Variants in ETNK2 observed in about 807,000 individuals in gnomAD.
The protein encoded by ETNK2 is ethanolamine kinase-like protein.
Under a neutral mutation model 46.2 loss-of-function variants are expected in ETNK2, and 33 were observed. The observed-to-expected ratio is 0.71, with a 90% CI of 0.54 to 0.96. The LOEUF (loss-of-function observed/expected upper bound fraction) is 0.96. ETNK2 is among the 40% of genes least tolerant of loss of function. The pLI, the probability that ETNK2 is intolerant of heterozygous loss-of-function variation, is 0.00. For missense variants in ETNK2, 445 were observed against 509.7 expected (o/e 0.87, Z 1.22); for synonymous variants, 194 against 209.0 (o/e 0.93, Z 0.62).
chr1:204,144,502 G>A (rs184012314), intron 3 of ETNK2, among the ~76,000 whole-genome samples: 6 of 152,038 alleles, frequency 3.9e-5, no homozygotes, highest in Admixed American at 3.3e-4. Flanking sequence ...ACTCCCAACT[G>A]GTCTTCCTAC....
intron 5 of ETNK2, among the ~76,000 whole-genome samples, chr1:204,138,180 A>G (rs1657360817): frequency 6.6e-6 from 1 of 152,160 alleles, no homozygotes; most frequent in South Asian, 2.1e-4. Flanking sequence ...CCAAGGTCAT[A>G]TGGTGGTTAG....
chr1:204,146,910 A>C, intron 2 of ETNK2, 146 bp from the exon 3 acceptor site: 1 of 950,314 alleles, frequency 1.1e-6, no homozygotes, highest in Non-Finnish European at 1.7e-6. Flanking sequence ...GTCCCTTAGG[A>C]GCACAGGTCC....
At chr1:204,141,686 G>A (rs534789862) in intron 3 of ETNK2, 30 of 545,822 alleles carry the variant, frequency 5.5e-5, no homozygotes, top group African/African-American at 1.3e-4. Context: ...AGACATGGGC[G>A]TCAAAGCATG....
At chr1:204,134,378 T>G in intron 7 of ETNK2, 137 bp downstream of exon 7, 66 of 926,970 alleles carry the variant, frequency 7.1e-5, no homozygotes, top group Non-Finnish European at 8.7e-5. Context: ...CCGCTGGAGA[T>G]GAGCTGGAAC....
chr1:204,132,899 C>T (rs956033753), intron 7 of ETNK2, among the ~76,000 whole-genome samples: 4 of 152,026 alleles, frequency 2.6e-5, no homozygotes, highest in Admixed American at 1.3e-4. Context: ...TTTGGACAAC[C>T]GAAACTAGAC....
chr1:204,138,986 C>G (rs1342164156), intron 5 of ETNK2: 1 of 151,842 alleles, frequency 6.6e-6, no homozygotes, highest in Non-Finnish European at 1.5e-5. Flanking sequence ...CAGCAAACAC[C>G]AATACAATGC....
intron 2 of ETNK2, among the ~76,000 whole-genome samples, chr1:204,149,005 GCA>G (rs1325853632): frequency 6.6e-6 from 1 of 152,198 alleles, no homozygotes; most frequent in Non-Finnish European, 1.5e-5. Context: ...CCTTGTTCTG[GCA>G]CAGAGGAGAG....
intron 2 of ETNK2, among the ~76,000 whole-genome samples, chr1:204,148,735 A>G (rs904666950): frequency 6.6e-6 from 1 of 152,174 alleles, no homozygotes. Flanking sequence ...AGCCAGGTGC[A>G]TTTGGGGTTA....
At chr1:204,143,779 G>A (rs985538512) in intron 3 of ETNK2, among the ~76,000 whole-genome samples, 14 of 152,116 alleles carry the variant, frequency 9.2e-5, no homozygotes, top group African/African-American at 3.4e-4. Context: ...TGAGCTTACT[G>A]GTTTCACACT....
chr1:204,144,534 C>A (rs116522997), intron 3 of ETNK2, among the ~76,000 whole-genome samples: 1 of 151,946 alleles, frequency 6.6e-6, no homozygotes, highest in Non-Finnish European at 1.5e-5. Flanking sequence ...CCTCCCCCAC[C>A]AATCTGTCCC....
intron 6 of ETNK2, chr1:204,134,823 T>A (rs372829723): frequency 2.2e-6 from 2 of 904,778 alleles, no homozygotes; most frequent in Non-Finnish European, 3.4e-6. Flanking sequence ...ACCGAGGCCC[T>A]AATGTTTACC....
chr1:204,141,548 CCTCT>C, intron 3 of ETNK2, 91 bp from the exon 4 acceptor site: 10 of 1,415,094 alleles, frequency 7.1e-6, no homozygotes, highest in Non-Finnish European at 9.6e-6. Context: ...CTCATCACTC[CCTCT>C]GTCTTACTGC....
At position 204,135,902 on chromosome 1, in the gene ETNK2, C is replaced by T. The variant is rs535241842; in HGVS notation, c.1014+1202G>A. On this transcript the variant is annotated intron_variant, in intron 6 of 7. Coordinates refer to ENST00000367202, the MANE Select transcript of ETNK2 (RefSeq NM_018208.4). ...ACATTAGCAATCCCTGGGCACACAC[C>T]GGTGGAGACCTGGCATGAACCAGGT... is the stretch of plus-strand genomic sequence containing the variant. Among the ~76,000 whole-genome samples the T allele has an allele frequency of 3.3e-5, 5 of 152,266 alleles. No homozygotes were observed. In the East Asian group the frequency reaches 7.7e-4, roughly 24 times the overall value.
intron 4 of ETNK2, among the ~76,000 whole-genome samples, 182 bp from the exon 5 acceptor site, chr1:204,140,300 ATC>A (rs1657456035): frequency 7.2e-6 from 1 of 138,772 alleles, no homozygotes; most frequent in Non-Finnish European, 1.6e-5. Flanking sequence ...CCATCCATCC[ATC>A]CATCCATCCA....
In ETNK2 at chr1:204,146,650, G is replaced by A. The variant is rs549075990; in HGVS notation, c.633C>T (p.Ile211=). ...CTCCCAGATCTTTGTACCTGGGGTT[G>A]ATCTCGTTCTTCACAAGCGTGAAAT... ...HNYFTLVKNE[I]NPSLSADVPK... The change falls in exon 3 of 8, where the codon ATC becomes ATT. Residue 211 remains isoleucine, a synonymous_variant. Coordinates refer to ENST00000367202, the MANE Select transcript of ETNK2 (RefSeq NM_018208.4). 1.2e-6 allele frequency: 2 copies of A among 1,614,042 alleles called. No homozygotes were observed. Among genetic ancestry groups the A allele is most frequent in the South Asian group, 2.2e-5 (2 of 91,076 alleles).
rs1351279840 is a variant in ETNK2 at position 204,147,480 on chromosome 1, T to C, written c.519-716A>G. ...CTGACCGGTCAGAGAAGGAGGGCCT[T>C]GATAAAGACCCCATCGCCCGAGGCC... On this transcript the variant is annotated intron_variant, in intron 2 of 7. Transcript: ENST00000367202. The C allele has an allele frequency of 7.5e-6, 4 of 533,230 alleles. No homozygotes were observed. In the Admixed American group the frequency reaches 7.8e-5, roughly 10 times the overall value. The allele number at this position is 533,230 out of a possible 1,614,324, so 33.0% of individuals were successfully genotyped here.
intron 5 of ETNK2, 43 bp downstream of exon 5, chr1:204,139,992 A>C: frequency 1.3e-6 from 2 of 1,535,518 alleles, no homozygotes; most frequent in Non-Finnish European, 9.0e-7. Context: ...CATTGACTGA[A>C]ACACCGCTAC....
At chr1:204,149,115 C>A (rs1292498467) in intron 2 of ETNK2, among the ~76,000 whole-genome samples, 1 of 152,184 alleles carries the variant, frequency 6.6e-6, no homozygotes, top group Admixed American at 6.5e-5. Context: ...CCCTACACAT[C>A]CAAGCATTTA....
chr1:204,139,304 C>G (rs1232879393), intron 5 of ETNK2, among the ~76,000 whole-genome samples: 1 of 152,176 alleles, frequency 6.6e-6, no homozygotes. Context: ...TATAAAGGAG[C>G]TTGGACAAAG....
Sources: gnomAD v4.1 joint callset for allele counts (sites outside exome capture counted in the v4.1 genomes callset) on GRCh38, gnomAD v4.1.1 for gene constraint, MANE v1.5 for transcripts, NCBI Gene and HGNC (gene_info 2026-07-23, HGNC 2026-07-21) for gene names.